The following FRMD4B variants were observed in gnomAD, a reference collection of about 807,000 sequenced individuals.
FRMD4B encodes the protein FERM domain containing 4B.
FRMD4B carries 74 observed loss-of-function variants against 141.5 expected under a neutral mutation model. The observed-to-expected ratio is 0.52, with a 90% CI of 0.43 to 0.63. The LOEUF (loss-of-function observed/expected upper bound fraction) is 0.63, where lower values mean the gene tolerates loss of function less well. FRMD4B is among the 30% of genes least tolerant of loss of function. The probability of loss-of-function intolerance (pLI) is 0.00; values close to 1 mark genes in which losing one functional copy is unlikely to be tolerated. For synonymous variants in FRMD4B, 506 were observed against 467.9 expected (o/e 1.08, Z -1.05); for missense variants, 1,366 against 1,253.4 (o/e 1.09, Z -1.36).
At chr3:69,258,107 G>A (rs1006381942) in intron 5 of FRMD4B, among the ~76,000 whole-genome samples, 1 of 152,106 alleles carries the variant, frequency 6.6e-6, no homozygotes, top group Non-Finnish European at 1.5e-5. Context: ...GGGATTACAG[G>A]TGTGAGCCAC....
intron 1 of FRMD4B, among the ~76,000 whole-genome samples, chr3:69,443,267 G>A (rs902300423): frequency 1.3e-5 from 2 of 152,194 alleles, no homozygotes; most frequent in Non-Finnish European, 2.9e-5. Flanking sequence ...AATGGGGTTT[G>A]GAGAGCCTCC....
intron 1 of FRMD4B, among the ~76,000 whole-genome samples, chr3:69,526,326 T>C (rs1700930329): frequency 6.6e-6 from 1 of 152,180 alleles, no homozygotes; most frequent in African/African-American, 2.4e-5. Context: ...CAGTGGTAGT[T>C]GAATTGATAA....
At chr3:69,427,643 G>GTTGTTTTTTTTT (rs1705105934) in intron 2 of FRMD4B, among the ~76,000 whole-genome samples, 1 of 36,238 alleles carries the variant, frequency 2.8e-5, no homozygotes, top group Non-Finnish European at 5.1e-5. Flanking sequence ...CTAGGTAAAT[G>GTTGTTTTTTTTT]TTTTTTTTTT....
intron 11 of FRMD4B, among the ~76,000 whole-genome samples, chr3:69,215,723 A>T (rs1328049886): frequency 6.6e-6 from 1 of 152,226 alleles, no homozygotes; most frequent in East Asian, 1.9e-4. Flanking sequence ...TTGAGAGATC[A>T]CTAGCACCAA....
chr3:69,484,482 G>C (rs1183117408), intron 1 of FRMD4B, among the ~76,000 whole-genome samples: 1 of 152,182 alleles, frequency 6.6e-6, no homozygotes, highest in African/African-American at 2.4e-5. Flanking sequence ...CAGACAAAAG[G>C]AGGGTAAACA....
chr3:69,334,687 A>G (rs1362500053), intron 1 of FRMD4B, among the ~76,000 whole-genome samples: 1 of 152,112 alleles, frequency 6.6e-6, no homozygotes, highest in Non-Finnish European at 1.5e-5. Context: ...TAAATAGGTG[A>G]TTTGAAGTCT....
chr3:69,305,519 ATG>A (rs769126515), intron 3 of FRMD4B, among the ~76,000 whole-genome samples: 1 of 152,230 alleles, frequency 6.6e-6, no homozygotes, highest in Non-Finnish European at 1.5e-5. Flanking sequence ...AGACGTTTAA[ATG>A]TGTGTCTTAA....
chr3:69,388,855 T>C (rs57948431), upstream of FRMD4B, among the ~76,000 whole-genome samples: 8,638 of 152,178 alleles, frequency 0.057, 814 homozygotes, highest in African/African-American at 0.19. Flanking sequence ...TTTAAAATGA[T>C]AGATTTAGTG....
At chr3:69,444,024 AG>A (rs144632973) in intron 1 of FRMD4B, among the ~76,000 whole-genome samples, 3,902 of 152,224 alleles carry the variant, frequency 0.026, 134 homozygotes, top group East Asian at 0.098. Context: ...CACCCATACC[AG>A]GGACTCAGCT....
At chr3:69,526,084 CTT>C (rs1317505185) in intron 1 of FRMD4B, among the ~76,000 whole-genome samples, 2 of 152,190 alleles carry the variant, frequency 1.3e-5, no homozygotes, top group African/African-American at 4.8e-5. Context: ...CTGCTGAGGA[CTT>C]TCTTGTGCTG....
At chr3:69,182,196 T>C (rs898032511) in intron 20 of FRMD4B, among the ~76,000 whole-genome samples, 3 of 152,170 alleles carry the variant, frequency 2.0e-5, no homozygotes, top group Non-Finnish European at 4.4e-5. Context: ...TCTTGCTTCC[T>C]CCTTTGTAAG....
chr3:69,346,156 A>C (rs1702933840), intron 1 of FRMD4B, among the ~76,000 whole-genome samples: 1 of 152,104 alleles, frequency 6.6e-6, no homozygotes, highest in Non-Finnish European at 1.5e-5. Context: ...TGGAGCTGAA[A>C]ACCATGGCAC....
rs1559724064 is a variant in FRMD4B, at chr3:69,215,282, C to CTTTTTTTTTTTTTTTTTTT, written c.876+980_876+981insAAAAAAAAAAAAAAAAAAA. The stretch of plus-strand genomic sequence containing the variant: ...AATCCAAATCTGATAGATTGTGACC[C>CTTTTTTTTTTTTTTTTTTT]TCTTTTTTTTTTTTTTTTTTTTTTT... On this transcript the variant is annotated intron_variant, in intron 11 of 22. Coordinates refer to ENST00000398540, the MANE Select transcript of FRMD4B (RefSeq NM_015123.3). 2.4e-4 allele frequency among the ~76,000 whole-genome samples: 9 copies of CTTTTTTTTTTTTTTTTTTT among 37,492 alleles called. No homozygotes were observed. In the East Asian group the frequency reaches 3.0e-3, roughly 12 times the overall value. The allele number at this position is 37,492 out of a possible 152,430, so 24.6% of individuals were successfully genotyped here.
intron 5 of FRMD4B, among the ~76,000 whole-genome samples, chr3:69,256,583 G>A (rs2093494501): frequency 6.6e-6 from 1 of 152,208 alleles, no homozygotes; most frequent in Non-Finnish European, 1.5e-5. Flanking sequence ...GCCTCCCAAA[G>A]TGCTGGGATT....
At chr3:69,182,955 A>G (rs773128418) in intron 19 of FRMD4B, among the ~76,000 whole-genome samples, 1 of 152,206 alleles carries the variant, frequency 6.6e-6, no homozygotes. Flanking sequence ...GACTTTTAAT[A>G]AAGAGTACAC....
chr3:69,477,002 G>T (rs1471636979), intron 1 of FRMD4B, among the ~76,000 whole-genome samples: 1 of 152,152 alleles, frequency 6.6e-6, no homozygotes, highest in Non-Finnish European at 1.5e-5. Context: ...TTGGCTCTCT[G>T]TTTGTCTGTT....
chr3:69,264,223 A>G (rs1391151756), intron 5 of FRMD4B, among the ~76,000 whole-genome samples: 2 of 151,820 alleles, frequency 1.3e-5, no homozygotes, highest in Non-Finnish European at 1.5e-5. Flanking sequence ...CACATTATTT[A>G]TTTTCTTTAT....
At chr3:69,311,001 C>T (rs1352889909) in intron 3 of FRMD4B, among the ~76,000 whole-genome samples, 1 of 152,146 alleles carries the variant, frequency 6.6e-6, no homozygotes, top group Non-Finnish European at 1.5e-5. Flanking sequence ...AGAAGATACA[C>T]TGTAATCGGG....
chr3:69,233,678 GAAATT>G (rs1350747958), intron 7 of FRMD4B, among the ~76,000 whole-genome samples: 5 of 152,124 alleles, frequency 3.3e-5, no homozygotes, highest in African/African-American at 1.2e-4. Flanking sequence ...CATAACATGA[GAAATT>G]AAAAGATCAT....
Sources: allele counts gnomAD v4.1 joint callset (sites outside exome capture counted in the v4.1 genomes callset), GRCh38; gene constraint gnomAD v4.1.1; transcripts MANE v1.5; gene names NCBI Gene and HGNC (gene_info 2026-07-23, HGNC 2026-07-21).